The following SLC13A3 variants were observed in gnomAD, a reference collection of about 807,000 sequenced individuals.
SLC13A3 encodes Na(+)/dicarboxylate cotransporter 3.
Under a neutral mutation model 59.0 loss-of-function variants are expected in SLC13A3, and 40 were observed. The ratio of observed to expected loss-of-function variants is 0.68; its 90% CI spans 0.53 to 0.88. The LOEUF is 0.88. Among genes scored for constraint, SLC13A3 ranks in the 40% least tolerant of loss-of-function variants. SLC13A3 has a pLI of 0.00. For missense variants in SLC13A3, 699 were observed against 783.2 expected, an observed-to-expected ratio of 0.89 and a Z score of 1.28; for synonymous variants, 317 against 330.3, an observed-to-expected ratio of 0.96 and a Z score of 0.44.
intron 5 of SLC13A3, 150 bp downstream of exon 5, chr20:46,596,007 C>T: frequency 3.1e-6 from 2 of 642,604 alleles, no homozygotes; most frequent in Admixed American, 6.2e-5. Context: ...TCCCCAAGGG[C>T]AGGGATCTCA....
intron 10 of SLC13A3, among the ~76,000 whole-genome samples, chr20:46,575,034 G>A (rs1447285093): frequency 2.6e-5 from 4 of 151,964 alleles, no homozygotes; most frequent in African/African-American, 9.7e-5. Flanking sequence ...CCAGCTACTT[G>A]GGAGGCTGAG....
intron 2 of SLC13A3, among the ~76,000 whole-genome samples, chr20:46,611,752 T>C (rs2062496193): frequency 6.6e-6 from 1 of 152,178 alleles, no homozygotes; most frequent in African/African-American, 2.4e-5. Context: ...CTCATGCCCG[T>C]ACCCTCCTGT....
At chr20:46,561,933 C>A (rs1331808867) in intron 12 of SLC13A3, among the ~76,000 whole-genome samples, 1 of 152,178 alleles carries the variant, frequency 6.6e-6, no homozygotes, top group South Asian at 2.1e-4. Context: ...AGGAGCGAAC[C>A]TGCAGGTGGG....
chr20:46,600,617 GC>G (rs1568930385), intron 3 of SLC13A3: 2 of 466,042 alleles, frequency 4.3e-6, no homozygotes, highest in Admixed American at 4.7e-5. Context: ...GTTGTGAAAG[GC>G]CAGCTATGAA....
At chr20:46,656,719 C>G (rs2122902947) in intron 1 of SLC13A3, among the ~76,000 whole-genome samples, 1 of 151,662 alleles carries the variant, frequency 6.6e-6, no homozygotes, top group East Asian at 1.9e-4. Context: ...GTCCCACTTT[C>G]TTTCTCCTCT....
At chr20:46,683,426 G>C in intron 1 of SLC13A3, among the ~76,000 whole-genome samples, 1 of 152,104 alleles carries the variant, frequency 6.6e-6, no homozygotes, top group East Asian at 1.9e-4. Context: ...ATAAAGAAAT[G>C]GGCAACATGG....
intron 3 of SLC13A3, among the ~76,000 whole-genome samples, chr20:46,604,268 A>G (rs1223912515): frequency 1.3e-5 from 2 of 152,092 alleles, no homozygotes; most frequent in Non-Finnish European, 2.9e-5. Context: ...CCCAGCCTCC[A>G]GTCCAGATCC....
chr20:46,643,324 T>A (rs2062862684), intron 1 of SLC13A3, among the ~76,000 whole-genome samples: 1 of 152,176 alleles, frequency 6.6e-6, no homozygotes, highest in Non-Finnish European at 1.5e-5. Flanking sequence ...ATTTTTCATT[T>A]TCTATTTTAG....
At chr20:46,566,910 A>C (rs2061986056) in intron 10 of SLC13A3, among the ~76,000 whole-genome samples, 1 of 151,914 alleles carries the variant, frequency 6.6e-6, no homozygotes, top group South Asian at 2.1e-4. Context: ...CAACACAATC[A>C]ATGTAATTAT....
intron 9 of SLC13A3, 91 bp from the exon 10 acceptor site, chr20:46,575,776 T>C: frequency 4.4e-6 from 3 of 682,760 alleles, no homozygotes; most frequent in Non-Finnish European, 7.0e-6. Context: ...CCGGGGACAC[T>C]CAGGGGTCCC....
chr20:46,659,633 C>G (rs1001395993), intron 1 of SLC13A3, among the ~76,000 whole-genome samples: 3 of 150,770 alleles, frequency 2.0e-5, no homozygotes, highest in Non-Finnish European at 2.9e-5. Flanking sequence ...GAGGATAGCT[C>G]GAGCCCGGGG....
intron 3 of SLC13A3, chr20:46,600,641 A>G (rs1362979212): frequency 2.2e-6 from 1 of 457,540 alleles, no homozygotes; most frequent in African/African-American, 2.0e-5. Flanking sequence ...GTAATGAGTC[A>G]TCAATGGGTT....
intron 1 of SLC13A3, among the ~76,000 whole-genome samples, chr20:46,631,371 T>C (rs1478689871): frequency 6.6e-6 from 1 of 152,162 alleles, no homozygotes; most frequent in Non-Finnish European, 1.5e-5. Flanking sequence ...GAAGTGGTTG[T>C]CCCAAGAAGG....
At chr20:46,656,264 G>T (rs577227866), upstream of SLC13A3, among the ~76,000 whole-genome samples, 76 of 138,772 alleles carry the variant, frequency 5.5e-4, no homozygotes, top group Non-Finnish European at 8.8e-4. Context: ...TACTTATATA[G>T]ACTGTACAGT....
At chr20:46,678,112 C>A (rs1033646617) in intron 1 of SLC13A3, among the ~76,000 whole-genome samples, 1 of 152,116 alleles carries the variant, frequency 6.6e-6, no homozygotes, top group African/African-American at 2.4e-5. Context: ...AAACTGAGGC[C>A]CAGGGAAGTC....
At chr20:46,665,711 T>C (rs2063059831) in intron 1 of SLC13A3, among the ~76,000 whole-genome samples, 1 of 152,214 alleles carries the variant, frequency 6.6e-6, no homozygotes, top group Non-Finnish European at 1.5e-5. Flanking sequence ...TGACCTTTAG[T>C]GTACAAGTTT....
intron 1 of SLC13A3, among the ~76,000 whole-genome samples, chr20:46,643,910 T>C (rs1461319161): frequency 1.3e-5 from 2 of 152,070 alleles, no homozygotes; most frequent in Non-Finnish European, 2.9e-5. Context: ...TGGTGACGTG[T>C]GCTTGTAGTC....
chr20:46,643,158 AT>A (rs1458866082), intron 1 of SLC13A3, among the ~76,000 whole-genome samples: 9 of 150,640 alleles, frequency 6.0e-5, no homozygotes, highest in East Asian at 3.9e-4. Flanking sequence ...AAAAAAAAAA[AT>A]ATCCCTGCCC....
intron 1 of SLC13A3, among the ~76,000 whole-genome samples, chr20:46,635,977 C>G (rs1024557512): frequency 1.3e-5 from 2 of 152,202 alleles, no homozygotes; most frequent in Admixed American, 1.3e-4. Context: ...CCTATATGGT[C>G]TAAAAAGGGG....
Sources: gnomAD v4.1 joint callset for allele counts (sites outside exome capture counted in the v4.1 genomes callset) on GRCh38, gnomAD v4.1.1 for gene constraint, MANE v1.5 for transcripts, NCBI Gene and HGNC (gene_info 2026-07-23, HGNC 2026-07-21) for gene names.